WDR62: variants seen among roughly 807,000 people sequenced by gnomAD.
The protein encoded by WDR62 is WD repeat-containing protein 62.
A neutral mutation model predicts 160.6 loss-of-function variants in WDR62; 112 were observed. That is an observed-to-expected ratio of 0.70 (90% confidence interval 0.60 to 0.82). The LOEUF (loss-of-function observed/expected upper bound fraction) is 0.82, where lower values mean the gene tolerates loss of function less well. WDR62 is among the 40% of genes least tolerant of loss of function. WDR62 has a pLI of 0.00. For synonymous variants in WDR62, 792 were observed against 815.1 expected (o/e 0.97, Z 0.48); for missense variants, 1,819 against 1,983.8 (o/e 0.92, Z 1.58).
rs550643784 is a variant in WDR62 at position 36,080,109 on chromosome 19, T to A, written c.1234-1324T>A. 9.0e-5 allele frequency among the ~76,000 whole-genome samples: 12 copies of A among 132,842 alleles called. No homozygotes were observed. In the South Asian group the frequency reaches 2.7e-3, roughly 30 times the overall value. 87.1% of individuals were successfully genotyped at this position (132,842 alleles called of 152,430 possible). ...CTTTGGTTTTTAATGTTTTTATTTT[T>A]TTATTATTTTTTTTTTGAGACGGAG... On this transcript the variant is annotated intron_variant, in intron 9 of 31. Transcript: ENST00000401500.
intron 4 of WDR62, 22 bp from the exon 5 acceptor site, chr19:36,066,235 G>T: frequency 6.2e-7 from 1 of 1,613,896 alleles, no homozygotes; most frequent in Non-Finnish European, 8.5e-7. Flanking sequence ...CCCAGCAGCA[G>T]TAACGACCCC....
Position 36,104,056 on chromosome 19 carries a change from A to G in WDR62, c.4153+75A>G. The stretch of plus-strand genomic sequence containing the variant: ...CTAGTTGGCTCAGCTCCAAAGATGG[A>G]TACTTGACCTGGCCACAGGGACTGT... On this transcript the variant is annotated intron_variant, in intron 30 of 31. Coordinates refer to ENST00000401500, the MANE Select transcript of WDR62 (RefSeq NM_001083961.2). 4 of 1,565,318 alleles carry G rather than the reference A, an allele frequency of 2.6e-6. No homozygotes were observed. The Admixed American group carries it at 6.7e-5, about 26-fold the overall frequency.
chr19:36,063,847 T>C (rs1394545377), intron 3 of WDR62, among the ~76,000 whole-genome samples: 2 of 152,244 alleles, frequency 1.3e-5, no homozygotes, highest in African/African-American at 2.4e-5. Flanking sequence ...AGTGCAAATA[T>C]TATCTTGTTC....
chr19:36,090,435 A>G lies in WDR62; in HGVS notation c.1959-10A>G, dbSNP rs767989054. ...GCCCTGTTGGCCGCAACATGCCCCT[A>G]CTTCCCCAGAGTCTACAACACTGTG... is the stretch of plus-strand genomic sequence containing the variant. On this transcript the variant is annotated splice_polypyrimidine_tract_variant and intron_variant, in intron 15 of 31. Transcript: ENST00000401500. 1.2e-6 allele frequency: 2 copies of G among 1,613,836 alleles called. No individual in the cohort carries two copies. Among genetic ancestry groups the G allele is most frequent in the African/African-American group, 1.3e-5 (1 of 74,910 alleles).
chr19:36,104,513 C>G lies in WDR62; in HGVS notation c.4154-5C>G. The G allele has an allele frequency of 6.2e-7, 1 of 1,613,572 alleles. No individual in the cohort carries two copies. Among genetic ancestry groups the G allele is most frequent in the Non-Finnish European group, 8.5e-7 (1 of 1,179,850 alleles). On this transcript the variant is annotated splice_region_variant and splice_polypyrimidine_tract_variant and intron_variant, in intron 30 of 31. Coordinates refer to ENST00000401500, the MANE Select transcript of WDR62 (RefSeq NM_001083961.2). Reference sequence around the variant, plus strand: ...ATCTTGCTCATTCCCTTCTCTCTACCCCAGGTGCACTTGGTCTGTTACAGG... The same window carrying G: ...ATCTTGCTCATTCCCTTCTCTCTACGCCAGGTGCACTTGGTCTGTTACAGG...
At chr19:36,063,132 C>G (rs1038539217) in intron 3 of WDR62, among the ~76,000 whole-genome samples, 1 of 152,046 alleles carries the variant, frequency 6.6e-6, no homozygotes, top group Non-Finnish European at 1.5e-5. Context: ...TTTAGTAGAG[C>G]TGGGGTTTCC....
chr19:36,066,127 A>T (rs776027478), intron 4 of WDR62, 112 bp downstream of exon 4: 26 of 1,578,502 alleles, frequency 1.6e-5, no homozygotes, highest in Non-Finnish European at 2.3e-5. Flanking sequence ...CCTGGGCCAG[A>T]ACAGCCCTGT....
chr19:36,083,049 T>C lies in WDR62; in HGVS notation c.1372-14T>C, dbSNP rs748203304. The C allele has an allele frequency of 6.2e-7, 1 of 1,608,150 alleles. No homozygotes were observed. The highest frequency in any genetic ancestry group is 1.1e-5 in the South Asian group (1 of 89,786). ...GAGCTGCTCGTGCTGACCTCAGCCC[T>C]GTCCTTCCTGCAGACCCTGCTGAAG... On this transcript the variant is annotated splice_polypyrimidine_tract_variant and intron_variant, in intron 10 of 31. Coordinates refer to ENST00000401500, the MANE Select transcript of WDR62 (RefSeq NM_001083961.2).
At chr19:36,066,621 C>T (rs1449825744) in intron 5 of WDR62, among the ~76,000 whole-genome samples, 194 bp downstream of exon 5, 1 of 152,230 alleles carries the variant, frequency 6.6e-6, no homozygotes, top group African/African-American at 2.4e-5. Context: ...AAGCATTATA[C>T]ATATTTTTAT....
downstream of WDR62, among the ~76,000 whole-genome samples, chr19:36,108,645 G>C (rs910347121): frequency 6.6e-6 from 1 of 152,074 alleles, no homozygotes; most frequent in African/African-American, 2.4e-5. Flanking sequence ...TTGAGCTCAG[G>C]AGTTCAAAAC....
chr19:36,104,273 G>A (rs1599850663), intron 30 of WDR62, among the ~76,000 whole-genome samples: 1 of 152,170 alleles, frequency 6.6e-6, no homozygotes, highest in East Asian at 1.9e-4. Context: ...GCTTAGGAGG[G>A]ACAGAGGAGG....
intron 3 of WDR62, among the ~76,000 whole-genome samples, chr19:36,065,081 A>G (rs1970863074): frequency 6.6e-6 from 1 of 152,158 alleles, no homozygotes; most frequent in African/African-American, 2.4e-5. Flanking sequence ...TGGCCAGACT[A>G]AGTCATGTAG....
At chr19:36,102,884 GCTC>G (rs774353821) in intron 27 of WDR62, 33 bp downstream of exon 27, 126 of 1,614,126 alleles carry the variant, frequency 7.8e-5, no homozygotes, top group Admixed American at 1.3e-4. Flanking sequence ...CCACCCTCTG[GCTC>G]CTCAACAGTG....
At chr19:36,089,134 G>A (rs764861043) in intron 14 of WDR62, 29 bp downstream of exon 14, 49 of 1,613,424 alleles carry the variant, frequency 3.0e-5, no homozygotes, top group Non-Finnish European at 3.6e-5. Flanking sequence ...CTTGGGGGCT[G>A]GGGTGGGGGG....
intron 1 of WDR62, among the ~76,000 whole-genome samples, chr19:36,057,608 G>A (rs1005502743): frequency 2.8e-4 from 42 of 151,810 alleles, no homozygotes; most frequent in African/African-American, 9.9e-4. Flanking sequence ...TCCGCCTCCT[G>A]GGTTCAAGCG....
intron 7 of WDR62, among the ~76,000 whole-genome samples, chr19:36,069,934 C>G (rs1971196651): frequency 6.6e-6 from 1 of 151,700 alleles, no homozygotes; most frequent in African/African-American, 2.4e-5. Flanking sequence ...TTGCAGTGAG[C>G]CGAGAGGGCA....
intron 10 of WDR62, 141 bp downstream of exon 10, chr19:36,081,711 T>C: frequency 9.7e-7 from 1 of 1,029,900 alleles, no homozygotes; most frequent in Non-Finnish European, 1.5e-6. Context: ...GGCAGGTCCC[T>C]CTCTGCATCA....
In WDR62 at chr19:36,068,024, C is replaced by T. The variant is rs1396367434; in HGVS notation, c.882+14C>T. The T allele has an allele frequency of 1.4e-5, 22 of 1,611,284 alleles. No homozygotes were observed. The highest frequency in any genetic ancestry group is 1.7e-5 in the Non-Finnish European group (20 of 1,178,628). Reference sequence around the variant, plus strand: ...ATCAACCTGAAGGTACCACCTCCCTCTCTGCCATCAGCTGGACAGACTCTT... The same window carrying T: ...ATCAACCTGAAGGTACCACCTCCCTTTCTGCCATCAGCTGGACAGACTCTT... On this transcript the variant is annotated intron_variant, in intron 7 of 31. Transcript: ENST00000401500.
intron 12 of WDR62, among the ~76,000 whole-genome samples, chr19:36,085,297 G>A (rs1431853416): frequency 2.0e-5 from 3 of 149,040 alleles, no homozygotes; most frequent in Admixed American, 6.6e-5. Context: ...TGTATTTTTA[G>A]TAGAGATGGG....
Sources: gnomAD v4.1 joint callset for allele counts (sites outside exome capture counted in the v4.1 genomes callset) on GRCh38, gnomAD v4.1.1 for gene constraint, MANE v1.5 for transcripts, NCBI Gene and HGNC (gene_info 2026-07-23, HGNC 2026-07-21) for gene names.